Variants in C6orf132 observed in about 807,000 individuals in gnomAD.
C6orf132 encodes the protein chromosome 6 open reading frame 132.
Under a neutral mutation model 65.3 loss-of-function variants are expected in C6orf132, and 43 were observed. The ratio of observed to expected loss-of-function variants is 0.66; its 90% CI spans 0.52 to 0.85. C6orf132 has a LOEUF of 0.85. Among genes scored for constraint, C6orf132 ranks in the 40% least tolerant of loss-of-function variants. The pLI, the probability that C6orf132 is intolerant of heterozygous loss-of-function variation, is 0.00. For missense variants in C6orf132, 1,488 were observed against 1,548.8 expected (o/e 0.96, Z 0.66); for synonymous variants, 631 against 654.1 (o/e 0.96, Z 0.54).
chr6:42,130,547 G>T (rs1401115632), intron 1 of C6orf132, among the ~76,000 whole-genome samples: 3 of 152,016 alleles, frequency 2.0e-5, no homozygotes, highest in Non-Finnish European at 4.4e-5. Context: ...ATTGCCACAG[G>T]GACTGCACGA....
In C6orf132 at chr6:42,107,529, A is replaced by G; in HGVS notation, c.383T>C (p.Leu128Pro). 6.4e-7 allele frequency: 1 copy of G among 1,550,614 alleles called. No homozygotes were observed. Among genetic ancestry groups the G allele is most frequent in the Non-Finnish European group, 8.7e-7 (1 of 1,146,626 alleles). Reference sequence around the variant, plus strand: ...ATCCTGGCCATATTGTCCAGGCCTCAGGTCACCCACAGAGCTGTACAGTCG... The same window carrying G: ...ATCCTGGCCATATTGTCCAGGCCTCGGGTCACCCACAGAGCTGTACAGTCG... The part of the protein sequence containing the change: ...NLRLYSSVGD[L>P]RPGQYGQDLL... The change falls in exon 4 of 5, where the codon CTG becomes CCG. Residue 128 changes from leucine (L) to proline (P), a missense_variant. By Grantham distance (98) the Leu-to-Pro change is moderately conservative (BLOSUM62 -3). Coordinates refer to ENST00000341865, the MANE Select transcript of C6orf132 (RefSeq NM_001164446.3).
intron 1 of C6orf132, among the ~76,000 whole-genome samples, chr6:42,138,942 T>C (rs1766993510): frequency 6.6e-6 from 1 of 151,830 alleles, no homozygotes. Context: ...TGCAAATGCA[T>C]TCAGTGAAGC....
intron 1 of C6orf132, among the ~76,000 whole-genome samples, chr6:42,141,725 G>A (rs1767035511): frequency 6.6e-6 from 1 of 152,156 alleles, no homozygotes; most frequent in Admixed American, 6.5e-5. Flanking sequence ...CAAACAGGCT[G>A]GTAACCTGGT....
chr6:42,127,870 AG>A (rs1194810605), intron 2 of C6orf132, among the ~76,000 whole-genome samples: 4 of 152,268 alleles, frequency 2.6e-5, no homozygotes, highest in Admixed American at 2.0e-4. Context: ...ATGAAAAAAA[AG>A]AATGTAAAAT....
At chr6:42,113,244 C>T (rs1022650029) in intron 2 of C6orf132, among the ~76,000 whole-genome samples, 3 of 152,138 alleles carry the variant, frequency 2.0e-5, no homozygotes, top group Non-Finnish European at 2.9e-5. Flanking sequence ...TGATTAATTT[C>T]AACATAATTG....
rs554166777 is a variant in C6orf132, at chr6:42,103,532, C to G, written c.*229G>C. ...CTCTACCCTCCTTCCCCTCCCACCC[C>G]CCACGTGTAAACAGTCCACAGTCAC... On this transcript the variant is annotated 3_prime_UTR_variant, in exon 5 of 5. Transcript: ENST00000341865. The G allele has an allele frequency of 5.2e-6, 2 of 382,098 alleles. No homozygotes were observed. Among genetic ancestry groups the G allele is most frequent in the East Asian group, 7.6e-5 (2 of 26,376 alleles). 23.7% of individuals were successfully genotyped at this position (382,098 alleles called of 1,614,324 possible). A position where few individuals can be genotyped will look rare whatever the true frequency, so the allele number is the denominator to read the frequency against.
chr6:42,108,249 GA>G (rs1766444338), intron 3 of C6orf132, among the ~76,000 whole-genome samples: 1 of 152,146 alleles, frequency 6.6e-6, no homozygotes, highest in East Asian at 1.9e-4. Context: ...TAACCTTGCT[GA>G]GCCTCAGTTT....
intron 2 of C6orf132, among the ~76,000 whole-genome samples, chr6:42,120,211 A>G (rs889358765): frequency 6.6e-6 from 1 of 151,222 alleles, no homozygotes; most frequent in African/African-American, 2.4e-5. Flanking sequence ...AAGAATATTT[A>G]TATGTATTTC....
chr6:42,104,437 C>CCGCACCAGCCGGGCCCGCAG lies in C6orf132; in HGVS notation c.3449+6_3449+25dup. 8.1e-7 allele frequency: 1 copy of CCGCACCAGCCGGGCCCGCAG among 1,230,178 alleles called. No homozygotes were observed. Among genetic ancestry groups the CCGCACCAGCCGGGCCCGCAG allele is most frequent in the Non-Finnish European group, 1.0e-6 (1 of 987,084 alleles). 76.2% of individuals were successfully genotyped at this position (1,230,178 alleles called of 1,614,324 possible). On this transcript the variant is annotated intron_variant, in intron 4 of 4. Transcript: ENST00000341865. The surrounding 1 kb of genome is among the most constrained non-coding windows in gnomAD (Gnocchi z 4.1). ...CTGGCTTTCCACCCCTCCTGGCTTC[C>CCGCACCAGCCGGGCCCGCAG]CGCACCAGCCGGGCCCGCAGCTCAC...
intron 1 of C6orf132, among the ~76,000 whole-genome samples, chr6:42,140,489 G>A (rs1397716171): frequency 2.0e-5 from 3 of 152,208 alleles, no homozygotes; most frequent in Admixed American, 1.3e-4. Flanking sequence ...CAGCAAACCC[G>A]CTAAGAGTGT....
Position 42,107,153 on chromosome 6 carries a change from C to T in C6orf132, c.759G>A (p.Gly253=). Residue 253 remains glycine (G), a synonymous_variant, in exon 4 of 5, where the codon GGG becomes GGA. Coordinates refer to ENST00000341865, the MANE Select transcript of C6orf132 (RefSeq NM_001164446.3). ...HTVGTRLFPP[G]GVTKWKSDVA... is the part of the protein sequence containing the mutation. ...CATCTGATTTCCACTTGGTGACACCCCCAGGGGGAAAGAGACGAGTCCCCA... is the reference window on the plus strand; with the variant it reads ...CATCTGATTTCCACTTGGTGACACCTCCAGGGGGAAAGAGACGAGTCCCCA... The T allele has an allele frequency of 7.0e-7, 1 of 1,433,796 alleles. No homozygotes were observed. Among genetic ancestry groups the T allele is most frequent in the Non-Finnish European group, 9.1e-7 (1 of 1,097,162 alleles). 88.8% of individuals were successfully genotyped at this position (1,433,796 alleles called of 1,614,324 possible). A position where few individuals can be genotyped will look rare whatever the true frequency, so the allele number is the denominator to read the frequency against.
intron 2 of C6orf132, among the ~76,000 whole-genome samples, chr6:42,115,600 G>C (rs1450225680): frequency 6.7e-6 from 1 of 150,302 alleles, no homozygotes; most frequent in African/African-American, 2.4e-5. Context: ...GAGCCGAGAT[G>C]GAGGCACTGC....
In C6orf132 at chr6:42,105,014, G is replaced by A. The variant is rs1237534711; in HGVS notation, c.2898C>T (p.Ser966=). ...QGHPLPKSFS[S]PPSPSNKREE... is the part of the protein sequence containing the mutation. Reference sequence around the variant, plus strand: ...CCCTCTTGTTCGAAGGAGAAGGTGGGGAGGAGAAGGACTTGGGCAGCGGGT... The same window carrying A: ...CCCTCTTGTTCGAAGGAGAAGGTGGAGAGGAGAAGGACTTGGGCAGCGGGT... Residue 966 remains serine (S), a synonymous_variant, in exon 4 of 5, where the codon TCC becomes TCT. Transcript: ENST00000341865. The A allele has an allele frequency of 2.0e-6, 3 of 1,531,004 alleles. No individual in the cohort carries two copies. The highest frequency in any genetic ancestry group is 1.7e-4 in the Middle Eastern group (1 of 5,932). 94.8% of individuals were successfully genotyped at this position (1,531,004 alleles called of 1,614,324 possible). A position where few individuals can be genotyped will look rare whatever the true frequency, so the allele number is the denominator to read the frequency against.
chr6:42,112,025 C>T (rs1424085399), intron 2 of C6orf132, among the ~76,000 whole-genome samples: 1 of 151,690 alleles, frequency 6.6e-6, no homozygotes, highest in Non-Finnish European at 1.5e-5. Context: ...CCCTCCCTGC[C>T]ACCTTTTCAA....
intron 4 of C6orf132, 56 bp from the exon 5 acceptor site, chr6:42,103,934 C>T (rs1766340886): frequency 8.5e-7 from 1 of 1,171,018 alleles, no homozygotes. Flanking sequence ...GCCAACACGT[C>T]TCTCATCTCC....
chr6:42,103,780 T>C lies in C6orf132; in HGVS notation c.3548A>G (p.His1183Arg). 3 of 1,431,166 alleles carry C rather than the reference T, an allele frequency of 2.1e-6. No homozygotes were observed. The highest frequency in any genetic ancestry group is 2.7e-6 in the Non-Finnish European group (3 of 1,091,990). 88.7% of individuals were successfully genotyped at this position (1,431,166 alleles called of 1,614,324 possible). ...CCTGGCTCAGGAGGTGGCTTTCCGA[T>C]GGGCCCCTGAGCAGACATAGGAGAT... Reference protein sequence around the residue: ...HPISYVCSGAHRKATS With the variant: ...HPISYVCSGARRKATS Residue 1183 changes from histidine (H) to arginine (R), a missense_variant, in exon 5 of 5, where the codon CAT (histidine) becomes CGT (arginine). Physicochemically the swap from His to Arg is conservative, Grantham distance 29 (BLOSUM62 0). Transcript: ENST00000341865.
At chr6:42,110,437 A>C (rs2127474427) in intron 2 of C6orf132, 146 bp from the exon 3 acceptor site, 1 of 584,848 alleles carries the variant, frequency 1.7e-6, no homozygotes, top group South Asian at 2.3e-5. Context: ...AAAATATAAA[A>C]GGCTGATTTT....
chr6:42,106,313 G>A lies in C6orf132; in HGVS notation c.1599C>T (p.Gly533=), dbSNP rs112749625. ...TPPGVPEKSL[G]GSSLTETEAA... is the part of the protein sequence containing the mutation. ...CCTCTGTCTCTGTCAGGCTGCTGCCGCCAAGACTCTTTTCAGGAACACCTG... is the reference window on the plus strand; with the variant it reads ...CCTCTGTCTCTGTCAGGCTGCTGCCACCAAGACTCTTTTCAGGAACACCTG... The change falls in exon 4 of 5, where the codon GGC becomes GGT. Residue 533 remains glycine, a synonymous_variant. Transcript: ENST00000341865. 3.1e-5 allele frequency: 47 copies of A among 1,536,736 alleles called. No homozygotes were observed. The highest frequency in any genetic ancestry group is 3.5e-5 in the Non-Finnish European group (40 of 1,146,884).
chr6:42,129,455 G>T (rs781646923), intron 1 of C6orf132, among the ~76,000 whole-genome samples: 4 of 152,214 alleles, frequency 2.6e-5, no homozygotes, highest in Non-Finnish European at 5.9e-5. Flanking sequence ...TCCGTACAGT[G>T]GGAGTGATGA....
Sources: allele counts gnomAD v4.1 joint callset (sites outside exome capture counted in the v4.1 genomes callset), GRCh38; gene constraint gnomAD v4.1.1; non-coding constraint Gnocchi (gnomAD v3.1); transcripts MANE v1.5; gene names NCBI Gene and HGNC (gene_info 2026-07-23, HGNC 2026-07-21).